BOK: variants seen among roughly 807,000 people sequenced by gnomAD.
BOK encodes BCL2 family apoptosis regulator BOK.
BOK carries 20 observed loss-of-function variants against 18.3 expected under a neutral mutation model. The observed-to-expected ratio is 1.09, with a 90% CI of 0.77 to 1.59. BOK has a LOEUF of 1.59. Among genes scored for constraint, BOK ranks in the 40% most tolerant of loss-of-function variants. The pLI is 0.00. For missense variants in BOK, 348 were observed against 307.9 expected, an observed-to-expected ratio of 1.13 and a Z score of -0.97; for synonymous variants, 173 against 142.4, an observed-to-expected ratio of 1.21 and a Z score of -1.53.
At chr2:241,556,776 C>T (rs1233457521), upstream of BOK, among the ~76,000 whole-genome samples, 1 of 152,004 alleles carries the variant, frequency 6.6e-6, no homozygotes, top group Non-Finnish European at 1.5e-5. Context: ...GGGAAATACT[C>T]CCTCATTTTT....
chr2:241,554,379 T>C (rs1177953110), upstream of BOK, among the ~76,000 whole-genome samples: 3 of 152,222 alleles, frequency 2.0e-5, no homozygotes, highest in South Asian at 4.1e-4. Flanking sequence ...CACTGGGTTA[T>C]GGACCCCTCT....
chr2:241,559,431 C>T (rs2066490117), intron 1 of BOK, 24 bp from the exon 2 acceptor site: 2 of 1,324,370 alleles, frequency 1.5e-6, no homozygotes, highest in South Asian at 2.0e-5. Flanking sequence ...CTCCCTCCAC[C>T]CGGCTGAGCG....
At chr2:241,561,922 C>T (rs1309225268) in intron 2 of BOK, among the ~76,000 whole-genome samples, 1 of 152,102 alleles carries the variant, frequency 6.6e-6, no homozygotes, top group Admixed American at 6.5e-5. Flanking sequence ...CCCCTGCTCT[C>T]ACCCCAGTGC....
At chr2:241,553,001 G>A (rs958380640) in intron 1 of BOK, among the ~76,000 whole-genome samples, 4 of 152,222 alleles carry the variant, frequency 2.6e-5, no homozygotes, top group Non-Finnish European at 4.4e-5. Context: ...AGGCCACCGG[G>A]TAGTGGGTGG....
chr2:241,563,648 G>A (rs371169631), intron 3 of BOK, among the ~76,000 whole-genome samples: 61 of 152,334 alleles, frequency 4.0e-4, no homozygotes, highest in African/African-American at 8.7e-4. Context: ...CTGGGAGCTG[G>A]TGTGGGTCCG....
At chr2:241,552,595 C>T (rs2066422495) in intron 1 of BOK, among the ~76,000 whole-genome samples, 1 of 152,220 alleles carries the variant, frequency 6.6e-6, no homozygotes, top group African/African-American at 2.4e-5. Flanking sequence ...ACCCTCCGTT[C>T]CCCGCCCCCG....
At chr2:241,566,866 C>T (rs1256199577) in intron 3 of BOK, among the ~76,000 whole-genome samples, 1 of 134,406 alleles carries the variant, frequency 7.4e-6, no homozygotes, top group African/African-American at 2.9e-5. Flanking sequence ...TAGGGAGTGA[C>T]TGCTAGTGGG....
chr2:241,569,250 G>C (rs1015887609), intron 3 of BOK, among the ~76,000 whole-genome samples: 3 of 152,198 alleles, frequency 2.0e-5, no homozygotes, highest in African/African-American at 7.2e-5. Context: ...TCCTGCTTCA[G>C]CCTCCCGAGT....
chr2:241,563,913 C>T (rs976355636), intron 3 of BOK, among the ~76,000 whole-genome samples: 1 of 152,096 alleles, frequency 6.6e-6, no homozygotes, highest in Non-Finnish European at 1.5e-5. Context: ...CTCGCTCAGG[C>T]AGACCCCACC....
upstream of BOK, among the ~76,000 whole-genome samples, chr2:241,558,052 G>GAAACACACACACACACACACACACAC (rs61316533): frequency 2.2e-5 from 3 of 135,736 alleles, no homozygotes; most frequent in South Asian, 2.3e-4. Context: ...ATAGAGTTCC[G>GAAACACACACACACACACACACACAC]AGACACACAC....
In BOK at chr2:241,559,483, C is replaced by A; in HGVS notation, c.-1C>A. 1 of 1,465,112 alleles carries A rather than the reference C, an allele frequency of 6.8e-7. No homozygotes were observed. The highest frequency in any genetic ancestry group is 1.3e-5 in the South Asian group (1 of 75,634). The allele number at this position is 1,465,112 out of a possible 1,614,324, so 90.8% of individuals were successfully genotyped here. ...CGGCGCCCCCCACCCGCGTCGCCGC[C>A]ATGGAGGTGCTGCGGCGCTCCTCGG... On this transcript the variant is annotated 5_prime_UTR_variant, in exon 2 of 5. Coordinates refer to ENST00000318407, the MANE Select transcript of BOK (RefSeq NM_032515.5).
upstream of BOK, among the ~76,000 whole-genome samples, chr2:241,553,824 C>T (rs1053519336): frequency 2.0e-5 from 3 of 152,192 alleles, no homozygotes; most frequent in African/African-American, 7.2e-5. Flanking sequence ...TTGCCAAGGG[C>T]AACGGGGTAG....
At chr2:241,554,833 C>T (rs1413984963), upstream of BOK, among the ~76,000 whole-genome samples, 3 of 152,212 alleles carry the variant, frequency 2.0e-5, no homozygotes, top group African/African-American at 7.2e-5. Context: ...AACAAACTGC[C>T]CTGTGCTTAA....
rs192358066 is a variant in BOK, at chr2:241,569,284, A to G, written c.350-841A>G. 3.0e-3 allele frequency among the ~76,000 whole-genome samples: 457 copies of G among 150,858 alleles called. 2 individuals are homozygous for G. Among genetic ancestry groups the G allele is most frequent in the African/African-American group, 0.011 (442 of 40,816 alleles). On this transcript the variant is annotated intron_variant, in intron 3 of 4. Transcript: ENST00000318407. Reference sequence around the variant, plus strand: ...GTAGCTGGGATTATAGGCGCGTGCCACCACGCCTGGCTAATTTTTTGTGTA... The same window carrying G: ...GTAGCTGGGATTATAGGCGCGTGCCGCCACGCCTGGCTAATTTTTTGTGTA...
chr2:241,570,355 G>T, intron 4 of BOK, 67 bp downstream of exon 4: 1 of 1,469,992 alleles, frequency 6.8e-7, no homozygotes, highest in South Asian at 1.3e-5. Flanking sequence ...ACAGGAGGGA[G>T]TGGTGGATGG....
At chr2:241,561,257 T>A (rs988139316) in intron 2 of BOK, among the ~76,000 whole-genome samples, 29 of 152,254 alleles carry the variant, frequency 1.9e-4, no homozygotes, top group African/African-American at 7.0e-4. Context: ...CGGCACCATC[T>A]GCCCCGTGCC....
chr2:241,564,136 C>A (rs984715994), intron 3 of BOK, among the ~76,000 whole-genome samples: 1 of 152,340 alleles, frequency 6.6e-6, no homozygotes, highest in South Asian at 2.1e-4. Flanking sequence ...GATGCAGCGG[C>A]GACCTGGCAG....
In BOK at chr2:241,562,577, C is replaced by G; in HGVS notation, c.349+101C>G. ...ACGAGCTGGCCCCCACCCATCCTGG[C>G]GCTGCCCAGTGCCCACCGGTGCCAT... On this transcript the variant is annotated intron_variant, in intron 3 of 4. Transcript: ENST00000318407. This position sits in a 1 kb window ranked among gnomAD's most constrained non-coding sequence, Gnocchi z 4.5. 7.0e-7 allele frequency: 1 copy of G among 1,427,698 alleles called. No individual in the cohort carries two copies. Among genetic ancestry groups the G allele is most frequent in the Non-Finnish European group, 9.3e-7 (1 of 1,078,210 alleles). The allele number at this position is 1,427,698 out of a possible 1,614,324, so 88.4% of individuals were successfully genotyped here. A position where few individuals can be genotyped will look rare whatever the true frequency, so the allele number is the denominator to read the frequency against.
At chr2:241,569,377 C>T (rs906516917) in intron 3 of BOK, among the ~76,000 whole-genome samples, 12 of 152,166 alleles carry the variant, frequency 7.9e-5, no homozygotes, top group African/African-American at 2.2e-4. Flanking sequence ...GTGATCTGCC[C>T]GCCTCGGCCT....
Sources: gnomAD v4.1 joint callset for allele counts (sites outside exome capture counted in the v4.1 genomes callset) on GRCh38, gnomAD v4.1.1 for gene constraint, Gnocchi (gnomAD v3.1) non-coding constraint, MANE v1.5 for transcripts, NCBI Gene and HGNC (gene_info 2026-07-23, HGNC 2026-07-21) for gene names.